The following COL25A1 variants were observed in gnomAD, a reference collection of about 807,000 sequenced individuals.
COL25A1 encodes the protein collagen alpha-1(XXV) chain.
COL25A1 carries 103 observed loss-of-function variants against 128.4 expected under a neutral mutation model. The ratio of observed to expected loss-of-function variants is 0.80; its 90% CI spans 0.68 to 0.94. COL25A1 has a LOEUF of 0.94. COL25A1 is among the 40% of genes least tolerant of loss of function. The probability of loss-of-function intolerance (pLI) is 0.00; values close to 1 mark genes in which losing one functional copy is unlikely to be tolerated. For missense variants in COL25A1, 745 were observed against 840.0 expected (o/e 0.89, Z 1.40); for synonymous variants, 279 against 277.2 (o/e 1.01, Z -0.06).
At chr4:109,175,734 C>T (rs916824839) in intron 3 of COL25A1, among the ~76,000 whole-genome samples, 1 of 152,158 alleles carries the variant, frequency 6.6e-6, no homozygotes, top group African/African-American at 2.4e-5. Context: ...TACATCTAAG[C>T]CACACAAAAT....
intron 8 of COL25A1, among the ~76,000 whole-genome samples, chr4:108,959,353 C>T (rs1750412830): frequency 2.0e-5 from 3 of 152,022 alleles, no homozygotes; most frequent in Admixed American, 2.0e-4. Flanking sequence ...GTATCTACTA[C>T]CAAAATCTGG....
At chr4:109,066,251 T>G (rs1762439369) in intron 3 of COL25A1, among the ~76,000 whole-genome samples, 2 of 152,136 alleles carry the variant, frequency 1.3e-5, no homozygotes, top group Non-Finnish European at 2.9e-5. Flanking sequence ...GAAGCACCAC[T>G]CACCCCAAGT....
intron 31 of COL25A1, 108 bp downstream of exon 31, chr4:108,841,587 C>T: frequency 2.2e-6 from 2 of 894,982 alleles, no homozygotes; most frequent in Non-Finnish European, 3.5e-6. Context: ...CAAAGATTAT[C>T]AACATTACTT....
intron 3 of COL25A1, among the ~76,000 whole-genome samples, chr4:109,290,571 A>G (rs6820019): frequency 0.1 from 15,225 of 152,016 alleles, 983 homozygotes; most frequent in East Asian, 0.23. Context: ...ATCCTGGGAA[A>G]TTGTCAGTAT....
chr4:108,942,140 G>T, intron 8 of COL25A1: 1 of 1,488,070 alleles, frequency 6.7e-7, no homozygotes, highest in Non-Finnish European at 9.2e-7. Flanking sequence ...CAAGCCAATT[G>T]AATGGTTCCT....
chr4:109,167,811 C>T (rs765436467), intron 3 of COL25A1, among the ~76,000 whole-genome samples: 2 of 152,150 alleles, frequency 1.3e-5, no homozygotes, highest in South Asian at 4.1e-4. Flanking sequence ...GGTATCAATG[C>T]TCTGGGGACA....
intron 3 of COL25A1, among the ~76,000 whole-genome samples, chr4:109,121,039 T>C (rs543455152): frequency 7.2e-5 from 11 of 152,174 alleles, no homozygotes; most frequent in Middle Eastern, 3.4e-3. Flanking sequence ...TCTTAATCTA[T>C]AGATTCAATG....
At chr4:109,139,756 T>C (rs1770200246) in intron 3 of COL25A1, among the ~76,000 whole-genome samples, 2 of 152,108 alleles carry the variant, frequency 1.3e-5, no homozygotes, top group African/African-American at 4.8e-5. Context: ...ATGTGCCATG[T>C]TGGTGTGCTG....
At chr4:109,243,279 T>A (rs1780029109) in intron 3 of COL25A1, among the ~76,000 whole-genome samples, 2 of 152,042 alleles carry the variant, frequency 1.3e-5, no homozygotes, top group Non-Finnish European at 2.9e-5. Context: ...TGCATCTTCA[T>A]GCTATCAGTA....
intron 5 of COL25A1, among the ~76,000 whole-genome samples, chr4:109,029,617 T>TATAC (rs767869541): frequency 4.6e-5 from 7 of 152,232 alleles, no homozygotes; most frequent in Non-Finnish European, 1.0e-4. Flanking sequence ...GGTATATGTG[T>TATAC]ATACATATTT....
rs189341945 is a variant in COL25A1 at position 109,249,171 on chromosome 4, C to T, written c.367+51412G>A. Among the ~76,000 whole-genome samples the T allele has an allele frequency of 2.6e-5, 4 of 152,282 alleles. No homozygotes were observed. The East Asian group carries it at 5.8e-4, about 22-fold the overall frequency. ...GAAGGTTTCTCTGAGGCTCCATAGGCAAAAGTAATGACTCTTCTCTAAATT... is the reference window on the plus strand; with the variant it reads ...GAAGGTTTCTCTGAGGCTCCATAGGTAAAAGTAATGACTCTTCTCTAAATT... On this transcript the variant is annotated intron_variant, in intron 3 of 37. Transcript: ENST00000399132.
intron 3 of COL25A1, among the ~76,000 whole-genome samples, chr4:109,224,162 T>A (rs17040097): frequency 6.6e-6 from 1 of 152,052 alleles, no homozygotes; most frequent in Non-Finnish European, 1.5e-5. Flanking sequence ...GTGATAACAG[T>A]GATAAACATA....
intron 31 of COL25A1, among the ~76,000 whole-genome samples, chr4:108,837,399 G>A (rs905315910): frequency 7.9e-5 from 12 of 152,026 alleles, no homozygotes; most frequent in Non-Finnish European, 1.6e-4. Context: ...TTAAAGCCTC[G>A]TATTTAATAA....
In COL25A1 at chr4:109,288,970, C is replaced by T. The variant is rs4035975; in HGVS notation, c.367+11613G>A. 3.6e-3 allele frequency among the ~76,000 whole-genome samples: 411 copies of T among 114,366 alleles called. 1 individual carries two copies. The highest frequency in any genetic ancestry group is 0.017 in the East Asian group (49 of 2,964). 75.0% of individuals were successfully genotyped at this position (114,366 alleles called of 152,430 possible). A position where few individuals can be genotyped will look rare whatever the true frequency, so the allele number is the denominator to read the frequency against. The stretch of plus-strand genomic sequence containing the variant: ...GAATACTAAATTATATATACACACA[C>T]ACACACACACACACACACACACACA... On this transcript the variant is annotated intron_variant, in intron 3 of 37. Transcript: ENST00000399132.
In COL25A1 at chr4:108,845,050, C is replaced by A; in HGVS notation, c.1578+139G>T. Reference sequence around the variant, plus strand: ...CACTGTGCAGGGCTGACGGATGTTTCTTCTACAGTTTGACAAACCAAGAGG... The same window carrying A: ...CACTGTGCAGGGCTGACGGATGTTTATTCTACAGTTTGACAAACCAAGAGG... On this transcript the variant is annotated intron_variant, in intron 29 of 37. Transcript: ENST00000399132. The A allele has an allele frequency of 3.9e-6, 3 of 770,476 alleles. No homozygotes were observed. The Admixed American group carries it at 5.8e-5, about 15-fold the overall frequency. 47.7% of individuals were successfully genotyped at this position (770,476 alleles called of 1,614,324 possible).
chr4:109,026,346 G>A (rs1050537866), intron 5 of COL25A1, among the ~76,000 whole-genome samples: 1 of 152,094 alleles, frequency 6.6e-6, no homozygotes, highest in East Asian at 1.9e-4. Context: ...TTTCAAGAAG[G>A]CAAATTGATT....
chr4:109,301,364 A>C (rs1044383532), intron 2 of COL25A1, among the ~76,000 whole-genome samples: 4 of 152,192 alleles, frequency 2.6e-5, no homozygotes, highest in African/African-American at 9.7e-5. Flanking sequence ...ACAACATGTA[A>C]AAGATTTAAC....
intron 3 of COL25A1, among the ~76,000 whole-genome samples, chr4:109,159,650 A>G (rs1772370617): frequency 1.3e-5 from 2 of 152,366 alleles, no homozygotes; most frequent in Admixed American, 1.3e-4. Context: ...TATGAAGAAC[A>G]TTAATCATGA....
intron 3 of COL25A1, among the ~76,000 whole-genome samples, chr4:109,145,441 T>A (rs927614632): frequency 7.2e-5 from 11 of 152,240 alleles, no homozygotes; most frequent in African/African-American, 2.7e-4. Flanking sequence ...ACTGTAATTA[T>A]TCATCCTTAA....
Sources: gnomAD v4.1 joint callset for allele counts (sites outside exome capture counted in the v4.1 genomes callset) on GRCh38, gnomAD v4.1.1 for gene constraint, MANE v1.5 for transcripts, NCBI Gene and HGNC (gene_info 2026-07-23, HGNC 2026-07-21) for gene names.